RAB2B: variants seen among roughly 807,000 people sequenced by gnomAD.
The protein encoded by RAB2B is ras-related protein Rab-2B.
RAB2B carries 20 observed loss-of-function variants against 29.8 expected under a neutral mutation model. The ratio of observed to expected loss-of-function variants is 0.67; its 90% confidence interval spans 0.47 to 0.97. RAB2B has a LOEUF of 0.97. Ranked by LOEUF, RAB2B falls within the 50% of genes least tolerant of loss-of-function variation. The pLI, the probability that RAB2B is intolerant of heterozygous loss-of-function variation, is 0.00. For synonymous variants in RAB2B, 93 were observed against 91.7 expected, an observed-to-expected ratio of 1.01 and a Z score of -0.08; for missense variants, 218 against 272.0, an observed-to-expected ratio of 0.80 and a Z score of 1.40.
Position 21,460,565 on chromosome 14 carries a change from CAG to C in RAB2B, c.*629_*630del, listed in dbSNP as rs1218314530. On this transcript the variant is annotated 3_prime_UTR_variant, in exon 8 of 8. Transcript: ENST00000397762. The stretch of plus-strand genomic sequence containing the variant: ...ATGCCACTGCACTCCAGCCTGGAGA[CAG>C]AGTGAGACTCCATCCCCCCAAAAAA... The C allele has an allele frequency of 1.9e-5, 2 of 105,860 alleles. No homozygotes were observed. Among genetic ancestry groups the C allele is most frequent in the Non-Finnish European group, 3.5e-5 (2 of 57,472 alleles). 6.6% of individuals were successfully genotyped at this position (105,860 alleles called of 1,614,324 possible).
At chr14:21,471,213 C>T (rs942625518) in intron 3 of RAB2B, among the ~76,000 whole-genome samples, 3 of 151,654 alleles carry the variant, frequency 2.0e-5, no homozygotes, top group African/African-American at 7.3e-5. Context: ...TCATCTCATT[C>T]CAGTTCATGA....
intron 3 of RAB2B, among the ~76,000 whole-genome samples, chr14:21,470,993 CAAAAAAAAAAAAAAAAA>C (rs869211285): frequency 4.0e-5 from 4 of 98,792 alleles, no homozygotes; most frequent in African/African-American, 1.7e-4. Context: ...GCTAAAAATA[CAAAAAAAAAAAAAAAAA>C]AAAAAAAAAA....
At chr14:21,468,501 A>G (rs1365377606) in intron 4 of RAB2B, 52 bp from the exon 5 acceptor site, 2 of 1,525,542 alleles carry the variant, frequency 1.3e-6, no homozygotes, top group Non-Finnish European at 1.8e-6. Flanking sequence ...CAAAAGGCCA[A>G]AACAACTCCA....
chr14:21,465,151 A>G (rs1468901506), intron 5 of RAB2B, among the ~76,000 whole-genome samples: 1 of 152,198 alleles, frequency 6.6e-6, no homozygotes, highest in Non-Finnish European at 1.5e-5. Flanking sequence ...AAGAACAACA[A>G]ATCTACAATA....
rs1890494978 is a variant in RAB2B at position 21,459,741 on chromosome 14, A to C, written c.*1455T>G. The stretch of plus-strand genomic sequence containing the variant: ...TACCTAAGTCTGTTACTAAAGAAAA[A>C]ATTTTTGGACTTTTAAGTATAATTA... On this transcript the variant is annotated 3_prime_UTR_variant, in exon 8 of 8. Coordinates refer to ENST00000397762, the MANE Select transcript of RAB2B (RefSeq NM_032846.4). 1 of 157,434 alleles carries C rather than the reference A, an allele frequency of 6.4e-6. No homozygotes were observed. Among genetic ancestry groups the C allele is most frequent in the African/African-American group, 2.4e-5 (1 of 41,498 alleles). The allele number at this position is 157,434 out of a possible 1,614,324, so 9.8% of individuals were successfully genotyped here.
At chr14:21,473,794 C>T (rs1313792364) in intron 3 of RAB2B, among the ~76,000 whole-genome samples, 2 of 152,020 alleles carry the variant, frequency 1.3e-5, no homozygotes, top group South Asian at 2.1e-4. Flanking sequence ...GGGCGGATCA[C>T]GAGGTCAGGA....
intron 6 of RAB2B, among the ~76,000 whole-genome samples, 174 bp downstream of exon 6, chr14:21,463,482 C>T (rs529492686): frequency 2.1e-4 from 32 of 152,160 alleles, no homozygotes; most frequent in Admixed American, 1.2e-3. Context: ...CCTGAGCTCA[C>T]GCAATCTGCC....
At chr14:21,471,022 A>T (rs889698883) in intron 3 of RAB2B, among the ~76,000 whole-genome samples, 14 of 70,692 alleles carry the variant, frequency 2.0e-4, no homozygotes, top group South Asian at 1.1e-3. Flanking sequence ...AAAAAAAAAA[A>T]AATAGGTGGG....
At chr14:21,466,266 C>T (rs1395831560) in intron 5 of RAB2B, among the ~76,000 whole-genome samples, 1 of 152,132 alleles carries the variant, frequency 6.6e-6, no homozygotes, top group Admixed American at 6.5e-5. Flanking sequence ...AGGCGGATCG[C>T]CTGAGGTCAG....
intron 2 of RAB2B, 80 bp from the exon 3 acceptor site, chr14:21,475,014 A>T: frequency 9.4e-7 from 1 of 1,066,386 alleles, no homozygotes; most frequent in Non-Finnish European, 1.5e-6. Flanking sequence ...GCCTTTCCTC[A>T]ATGTGTTATA....
At position 21,461,077 on chromosome 14, in the gene RAB2B, G is replaced by A; in HGVS notation, c.*119C>T. On this transcript the variant is annotated 3_prime_UTR_variant, in exon 8 of 8. Coordinates refer to ENST00000397762, the MANE Select transcript of RAB2B (RefSeq NM_032846.4). ...TTCTCTCCTGGTCTTTAGGTGGAAA[G>A]GCAAAACATCACACTTTAAAAAGAG... The A allele has an allele frequency of 1.4e-6, 1 of 737,152 alleles. No individual in the cohort carries two copies. Among genetic ancestry groups the A allele is most frequent in the Non-Finnish European group, 2.3e-6 (1 of 438,194 alleles). 45.7% of individuals were successfully genotyped at this position (737,152 alleles called of 1,614,324 possible). A position where few individuals can be genotyped will look rare whatever the true frequency, so the allele number is the denominator to read the frequency against.
At chr14:21,474,785 C>T in intron 3 of RAB2B, 82 bp downstream of exon 3, 1 of 1,117,670 alleles carries the variant, frequency 8.9e-7, no homozygotes, top group Non-Finnish European at 1.4e-6. Flanking sequence ...TTAGTTCCAC[C>T]CTCATCGCCC....
rs1890539286 is a variant in RAB2B, at chr14:21,460,952, T to C, written c.*244A>G. ...TAACTACTGTGATAATCAACTTTGA[T>C]CCTAACAATTTAAGAAATTTGTATA... is the stretch of plus-strand genomic sequence containing the variant. On this transcript the variant is annotated 3_prime_UTR_variant, in exon 8 of 8. Coordinates refer to ENST00000397762, the MANE Select transcript of RAB2B (RefSeq NM_032846.4). 6.5e-6 allele frequency: 2 copies of C among 306,822 alleles called. No homozygotes were observed. The highest frequency in any genetic ancestry group is 1.2e-5 in the Non-Finnish European group (2 of 167,408). 19.0% of individuals were successfully genotyped at this position (306,822 alleles called of 1,614,324 possible). A position where few individuals can be genotyped will look rare whatever the true frequency, so the allele number is the denominator to read the frequency against.
intron 2 of RAB2B, among the ~76,000 whole-genome samples, chr14:21,475,956 AGG>A (rs1395540655): frequency 6.6e-6 from 1 of 152,208 alleles, no homozygotes; most frequent in South Asian, 2.1e-4. Context: ...GATAACGAAG[AGG>A]GGGTAGTTAA....
chr14:21,476,461 C>G, intron 2 of RAB2B, 67 bp downstream of exon 2: 1 of 1,585,638 alleles, frequency 6.3e-7, no homozygotes. Flanking sequence ...AGGCTGCTAA[C>G]TTTCCACTTT....
chr14:21,467,541 T>C (rs1018834587), intron 5 of RAB2B, among the ~76,000 whole-genome samples: 3 of 152,202 alleles, frequency 2.0e-5, no homozygotes, highest in Admixed American at 6.6e-5. Context: ...TTTTGGCCTA[T>C]GGGTGTCAAA....
intron 3 of RAB2B, among the ~76,000 whole-genome samples, chr14:21,473,188 G>A (rs1449349595): frequency 3.9e-5 from 6 of 152,012 alleles, no homozygotes; most frequent in African/African-American, 1.4e-4. Flanking sequence ...GAGAGGAAAG[G>A]GAGGAAAAGA....
At chr14:21,476,720 G>A in intron 1 of RAB2B, 107 bp downstream of exon 1, 1 of 504,976 alleles carries the variant, frequency 2.0e-6, no homozygotes, top group Non-Finnish European at 2.9e-6. Context: ...GAACCGCCCC[G>A]CCCGTCTCGA....
At position 21,474,941 on chromosome 14, in the gene RAB2B, G is replaced by A. The variant is rs1191984179; in HGVS notation, c.119-7C>T. ...CGAGCTCCAAACTCCACACCTGTCG[G>A]TAAAGACCGAGAGAAAGAATGTGAT... On this transcript the variant is annotated splice_polypyrimidine_tract_variant and splice_region_variant and intron_variant, in intron 2 of 7. Transcript: ENST00000397762. 4 of 1,613,114 alleles carry A rather than the reference G, an allele frequency of 2.5e-6. No homozygotes were observed. In the Admixed American group the frequency reaches 6.7e-5, roughly 27 times the overall value.
Sources: allele counts gnomAD v4.1 joint callset (sites outside exome capture counted in the v4.1 genomes callset), GRCh38; gene constraint gnomAD v4.1.1; transcripts MANE v1.5; gene names NCBI Gene and HGNC (gene_info 2026-07-23, HGNC 2026-07-21).